PIK3C2A: variants seen among roughly 807,000 people sequenced by gnomAD.
PIK3C2A encodes the protein phosphatidylinositol 4-phosphate 3-kinase C2 domain-containing subunit alpha.
PIK3C2A carries 97 observed loss-of-function variants against 204.5 expected under a neutral mutation model. The observed-to-expected ratio is 0.47, with a 90% CI of 0.40 to 0.56. The LOEUF is 0.56. Ranked by LOEUF, PIK3C2A falls within the 20% of genes least tolerant of loss-of-function variation. The probability of loss-of-function intolerance (pLI) is 0.00; values close to 1 mark genes in which losing one functional copy is unlikely to be tolerated. For synonymous variants in PIK3C2A, 653 were observed against 664.4 expected, an observed-to-expected ratio of 0.98 and a Z score of 0.26; for missense variants, 1,735 against 1,969.2, an observed-to-expected ratio of 0.88 and a Z score of 2.25.
intron 8 of PIK3C2A, 140 bp downstream of exon 8, chr11:17,145,528 C>T (rs1019809874): frequency 2.2e-5 from 13 of 587,402 alleles, no homozygotes; most frequent in Non-Finnish European, 3.6e-5. Flanking sequence ...TCAATTAAAC[C>T]TATTTTCTTT....
At chr11:17,107,150 A>G (rs564993385) in intron 22 of PIK3C2A, among the ~76,000 whole-genome samples, 73 of 152,180 alleles carry the variant, frequency 4.8e-4, no homozygotes, top group Non-Finnish European at 8.8e-4. Flanking sequence ...CATCTCTACT[A>G]AAAGTACAAA....
intron 1 of PIK3C2A, among the ~76,000 whole-genome samples, chr11:17,176,684 A>ACCT (rs1851351524): frequency 6.6e-6 from 1 of 151,798 alleles, no homozygotes; most frequent in Non-Finnish European, 1.5e-5. Flanking sequence ...TACTCAGGAG[A>ACCT]CTGAGGTGGG....
At chr11:17,128,393 C>T (rs1287349294) in intron 13 of PIK3C2A, among the ~76,000 whole-genome samples, 1 of 151,238 alleles carries the variant, frequency 6.6e-6, no homozygotes, top group African/African-American at 2.4e-5. Context: ...TGCCTCTATG[C>T]CCAGCTAGCT....
chr11:17,093,971 A>G (rs1651843091), intron 28 of PIK3C2A, among the ~76,000 whole-genome samples: 1 of 152,174 alleles, frequency 6.6e-6, no homozygotes, highest in African/African-American at 2.4e-5. Flanking sequence ...AAGATGCCAA[A>G]TTATTATCTT....
At chr11:17,090,228 G>T (rs533460917) in intron 32 of PIK3C2A, among the ~76,000 whole-genome samples, 1 of 152,214 alleles carries the variant, frequency 6.6e-6, no homozygotes, top group East Asian at 1.9e-4. Flanking sequence ...CAGCACTTTG[G>T]GAGGCTGAGG....
At chr11:17,178,092 CAAAAAA>C (rs750346823) in intron 1 of PIK3C2A, among the ~76,000 whole-genome samples, 6 of 64,134 alleles carry the variant, frequency 9.4e-5, no homozygotes, top group African/African-American at 3.9e-4. Flanking sequence ...GACTCCATCT[CAAAAAA>C]AAAAAAAAAA....
intron 22 of PIK3C2A, among the ~76,000 whole-genome samples, chr11:17,110,114 G>A (rs1848949111): frequency 2.6e-5 from 4 of 151,916 alleles, no homozygotes; most frequent in Admixed American, 2.6e-4. Flanking sequence ...CACCACACCT[G>A]GCTAATTTTT....
At chr11:17,115,240 A>T (rs550248818) in intron 19 of PIK3C2A, among the ~76,000 whole-genome samples, 2 of 152,142 alleles carry the variant, frequency 1.3e-5, no homozygotes, top group South Asian at 2.1e-4. Flanking sequence ...TATGGTAATT[A>T]AAAAAAGTAT....
At position 17,169,472 on chromosome 11, in the gene PIK3C2A, A is replaced by G. The variant is rs214936; in HGVS notation, c.270T>C (p.Ile90=). 0.45 allele frequency: 727,867 copies of G among 1,613,408 alleles called. 167,878 individuals carry two copies. The highest frequency in any genetic ancestry group is 0.48 in the Non-Finnish European group (561,291 of 1,179,610). ...CAGCTTGGGTGAGCTTTTCTACATC[A>G]ATATCTAATGCTCTTTTTTGGGAAT... ...ESDSQKRALD[I]DVEKLTQAEL... Residue 90 remains isoleucine, a synonymous_variant, in exon 2 of 33, where the codon ATT becomes ATC. Coordinates refer to ENST00000691414, the MANE Select transcript of PIK3C2A (RefSeq NM_002645.4).
At chr11:17,144,649 CT>C (rs2137419459) in intron 8 of PIK3C2A, among the ~76,000 whole-genome samples, 1 of 152,148 alleles carries the variant, frequency 6.6e-6, no homozygotes, top group African/African-American at 2.4e-5. Context: ...AACCCTAGCA[CT>C]TTAGATGGCC....
At chr11:17,195,407 G>A (rs1306469625) in intron 1 of PIK3C2A, among the ~76,000 whole-genome samples, 2 of 150,146 alleles carry the variant, frequency 1.3e-5, no homozygotes, top group African/African-American at 2.5e-5. Flanking sequence ...GGAAGATTCT[G>A]TCTCAAAGAA....
chr11:17,128,234 C>CTT lies in PIK3C2A; in HGVS notation c.2399+1064_2399+1065dup, dbSNP rs61076130. ...AAAGCTTTAGGGATGCTTTTTTCTC[C>CTT]TTTTTTTTTTTAATTTTTCTTTTAG... On this transcript the variant is annotated intron_variant, in intron 13 of 32. Transcript: ENST00000691414. 3.8e-3 allele frequency among the ~76,000 whole-genome samples: 502 copies of CTT among 131,460 alleles called. 3 individuals carry two copies. The highest frequency in any genetic ancestry group is 0.011 in the African/African-American group (380 of 35,114). The allele number at this position is 131,460 out of a possible 152,430, so 86.2% of individuals were successfully genotyped here. A position where few individuals can be genotyped will look rare whatever the true frequency, so the allele number is the denominator to read the frequency against.
intron 27 of PIK3C2A, 97 bp from the exon 28 acceptor site, chr11:17,094,482 GGGAGGCCGAGGTGGGT>G: frequency 1.1e-6 from 1 of 907,860 alleles, no homozygotes; most frequent in South Asian, 1.6e-5. Context: ...CCAGCACTTT[GGGAGGCCGAGGTGGGT>G]GGATCAGCTG....
At chr11:17,158,632 C>A (rs1850679449) in intron 2 of PIK3C2A, among the ~76,000 whole-genome samples, 1 of 151,978 alleles carries the variant, frequency 6.6e-6, no homozygotes, top group Non-Finnish European at 1.5e-5. Context: ...TCCTTAAAAA[C>A]ACAATGTGAA....
chr11:17,110,346 T>C (rs1848957695), intron 22 of PIK3C2A, 86 bp downstream of exon 22: 1 of 889,100 alleles, frequency 1.1e-6, no homozygotes, highest in Non-Finnish European at 1.7e-6. Context: ...TACCAGGGTA[T>C]CTGCATCAGG....
intron 1 of PIK3C2A, among the ~76,000 whole-genome samples, chr11:17,182,617 T>C (rs900011720): frequency 2.7e-5 from 4 of 150,114 alleles, no homozygotes; most frequent in African/African-American, 9.8e-5. Context: ...CTTTTAGTGA[T>C]AACATTAAAA....
At chr11:17,193,868 A>AGGAGGGGAGGGGAGGGGAGGGGAGGG (rs1565305762) in intron 1 of PIK3C2A, 2 of 106,124 alleles carry the variant, frequency 1.9e-5, no homozygotes, top group Admixed American at 1.3e-4. Context: ...AAAAGAAAAG[A>AGGAGGGGAGGGGAGGGGAGGGGAGGG]AAAGAAAAGA....
chr11:17,158,043 A>G (rs543022250), intron 2 of PIK3C2A, among the ~76,000 whole-genome samples: 42 of 152,120 alleles, frequency 2.8e-4, no homozygotes, highest in Middle Eastern at 6.8e-3. Flanking sequence ...CCTTCACCAC[A>G]TGTGTCAAAA....
intron 27 of PIK3C2A, among the ~76,000 whole-genome samples, chr11:17,096,251 C>A (rs1233230998): frequency 7.0e-6 from 1 of 143,392 alleles, no homozygotes; most frequent in African/African-American, 2.6e-5. Flanking sequence ...GTTGGCCAGG[C>A]TGGTCTTGAA....
Sources: gnomAD v4.1 joint callset for allele counts (sites outside exome capture counted in the v4.1 genomes callset) on GRCh38, gnomAD v4.1.1 for gene constraint, MANE v1.5 for transcripts, NCBI Gene and HGNC (gene_info 2026-07-23, HGNC 2026-07-21) for gene names.